Variants in ENTREP2 observed in about 807,000 individuals in gnomAD.
The protein encoded by ENTREP2 is protein ENTREP2.
At chr15:29,361,038 C>A in the ENTREP2 span, among the ~76,000 whole-genome samples, 1 of 152,214 alleles carries the variant, frequency 6.6e-6, no homozygotes, top group African/African-American at 2.4e-5. Context: ...TGGACCCCTG[C>A]ACCTGGTGCT....
At chr15:29,410,777 A>G in the ENTREP2 span, among the ~76,000 whole-genome samples, 2 of 152,054 alleles carry the variant, frequency 1.3e-5, no homozygotes, top group African/African-American at 2.4e-5. Flanking sequence ...ATTTCGTTAG[A>G]CCACAGAACT....
chr15:29,170,188 G>C, the ENTREP2 span, among the ~76,000 whole-genome samples: 1 of 151,266 alleles, frequency 6.6e-6, no homozygotes, highest in Non-Finnish European at 1.5e-5. Flanking sequence ...GGTGCTTGTA[G>C]TCCCAGCTAC....
the ENTREP2 span, among the ~76,000 whole-genome samples, chr15:29,604,606 A>G: frequency 6.6e-6 from 1 of 152,228 alleles, no homozygotes; most frequent in Admixed American, 6.5e-5. Context: ...ACAAAAATAC[A>G]TTGAAAAGGA....
chr15:29,417,560 G>A, the ENTREP2 span, among the ~76,000 whole-genome samples: 3 of 152,028 alleles, frequency 2.0e-5, no homozygotes, highest in South Asian at 4.2e-4. Context: ...GAGTTAATGG[G>A]TGCAGCACAC....
chr15:29,301,192 T>G, the ENTREP2 span, among the ~76,000 whole-genome samples: 2 of 152,222 alleles, frequency 1.3e-5, no homozygotes, highest in African/African-American at 4.8e-5. Context: ...AGTTTTTCTT[T>G]ACAATTCTTG....
At chr15:29,437,296 A>G in the ENTREP2 span, among the ~76,000 whole-genome samples, 3 of 149,966 alleles carry the variant, frequency 2.0e-5, no homozygotes, top group Admixed American at 6.6e-5. Context: ...GAAAAAAAAC[A>G]TAACTGCAAT....
chr15:29,227,690 CT>C, the ENTREP2 span, among the ~76,000 whole-genome samples: 4 of 152,168 alleles, frequency 2.6e-5, no homozygotes, highest in African/African-American at 9.7e-5. Flanking sequence ...ATAGGAGGGG[CT>C]GAATACCTTC....
At chr15:29,237,833 G>A in the ENTREP2 span, among the ~76,000 whole-genome samples, 4 of 152,126 alleles carry the variant, frequency 2.6e-5, no homozygotes, top group Non-Finnish European at 5.9e-5. Context: ...AAGCAATTGT[G>A]GTTTTTGCCA....
chr15:29,247,922 T>C, the ENTREP2 span, among the ~76,000 whole-genome samples: 5 of 152,148 alleles, frequency 3.3e-5, no homozygotes, highest in African/African-American at 1.2e-4. Flanking sequence ...AAGTTCAGGG[T>C]TCCCACTGTA....
the ENTREP2 span, among the ~76,000 whole-genome samples, chr15:29,621,307 A>G: frequency 6.6e-6 from 1 of 151,850 alleles, no homozygotes; most frequent in African/African-American, 2.4e-5. Flanking sequence ...GTGGATCACG[A>G]GGTCAGGAGA....
chr15:29,330,212 G>A, the ENTREP2 span, among the ~76,000 whole-genome samples: 1 of 151,934 alleles, frequency 6.6e-6, no homozygotes, highest in South Asian at 2.1e-4. Context: ...GCCAAGGCAG[G>A]TGGATCATGA....
the ENTREP2 span, among the ~76,000 whole-genome samples, chr15:29,231,466 G>A: frequency 1.3e-5 from 2 of 152,054 alleles, no homozygotes; most frequent in Non-Finnish European, 2.9e-5. Context: ...CATATCATAT[G>A]TAAATTAAGT....
At chr15:29,538,422 T>C in the ENTREP2 span, among the ~76,000 whole-genome samples, 1 of 151,802 alleles carries the variant, frequency 6.6e-6, no homozygotes, top group Non-Finnish European at 1.5e-5. Flanking sequence ...TATTATAAGT[T>C]AGGTAAAGAA....
the ENTREP2 span, chr15:29,122,494 C>T: frequency 4.6e-5 from 7 of 152,182 alleles, no homozygotes; most frequent in East Asian, 7.7e-4. Context: ...AACTGTGACC[C>T]GCTGAGCTCA....
the ENTREP2 span, among the ~76,000 whole-genome samples, chr15:29,567,151 G>T: frequency 6.6e-6 from 1 of 152,132 alleles, no homozygotes; most frequent in Non-Finnish European, 1.5e-5. Context: ...GCACAGCCCG[G>T]CACAGGAAAA....
chr15:29,479,655 TCACACACACATACA>T, the ENTREP2 span, among the ~76,000 whole-genome samples: 1 of 143,168 alleles, frequency 7.0e-6, no homozygotes, highest in Non-Finnish European at 1.5e-5. Context: ...TCTGTCTGTC[TCACACACACATACA>T]CACACACACA....
At chr15:29,186,352 T>C in the ENTREP2 span, among the ~76,000 whole-genome samples, 1 of 152,200 alleles carries the variant, frequency 6.6e-6, no homozygotes, top group East Asian at 1.9e-4. Flanking sequence ...GGCATAGCCA[T>C]CTGGGTCCCA....
the ENTREP2 span, among the ~76,000 whole-genome samples, chr15:29,287,645 T>C: frequency 2.0e-5 from 3 of 152,212 alleles, no homozygotes; most frequent in Non-Finnish European, 4.4e-5. Context: ...CAAATACATG[T>C]TCATAGCAGA....
chr15:29,644,868 A>C, the ENTREP2 span, among the ~76,000 whole-genome samples: 6 of 151,568 alleles, frequency 4.0e-5, no homozygotes, highest in African/African-American at 1.5e-4. Flanking sequence ...GTAAAGAAGA[A>C]AAATAAAAAA....
Sources: gnomAD v4.1 joint callset for allele counts (sites outside exome capture counted in the v4.1 genomes callset) on GRCh38, gnomAD v4.1.1 for gene constraint, MANE v1.5 for transcripts, NCBI Gene and HGNC (gene_info 2026-07-23, HGNC 2026-07-21) for gene names.